The following CUL7 variants were observed in gnomAD, a reference collection of about 807,000 sequenced individuals.
CUL7 encodes the protein cullin-7.
In CUL7, 96 loss-of-function variants were observed where a neutral mutation model predicts 177.7. The ratio of observed to expected loss-of-function variants is 0.54; its 90% CI spans 0.46 to 0.64. The LOEUF is 0.64. Ranked by LOEUF, CUL7 falls within the 30% of genes least tolerant of loss-of-function variation. The pLI is 0.00. For missense variants in CUL7, 1,893 were observed against 2,187.9 expected (o/e 0.87, Z 2.69); for synonymous variants, 824 against 890.2 (o/e 0.93, Z 1.32).
Position 43,045,354 on chromosome 6 carries a change from G to A in CUL7, c.2911C>T (p.Pro971Ser). The change falls in exon 15 of 26, where the codon CCC (proline) becomes TCC (serine). Residue 971 changes from proline to serine, a missense_variant. By Grantham distance (74) the Pro-to-Ser change is moderately conservative (BLOSUM62 -1). Around this residue, in one of 5 missense-constraint regions of CUL7, gnomAD observed 973 missense variants for 1,140.9 expected, o/e 0.85. Transcript: ENST00000265348. The surrounding 1 kb of genome is among the most constrained non-coding windows in gnomAD (Gnocchi z 4.8). ...TCCCGGAACACTGGCCAGAACGTGGGCTTGGGGCCTAGGATCTCTAACCCC... is the reference window on the plus strand; with the variant it reads ...TCCCGGAACACTGGCCAGAACGTGGACTTGGGGCCTAGGATCTCTAACCCC... ...IRGLEILGPK[P>S]TFWPVFREQL... 1 of 1,614,246 alleles carries A rather than the reference G, an allele frequency of 6.2e-7. No homozygotes were observed. Among genetic ancestry groups the A allele is most frequent in the South Asian group, 1.1e-5 (1 of 91,086 alleles).
chr6:43,046,126 T>C (rs769935005), intron 12 of CUL7, 35 bp from the exon 13 acceptor site: 41 of 1,612,304 alleles, frequency 2.5e-5, no homozygotes, highest in East Asian at 6.7e-5. Flanking sequence ...TTGGAACTTG[T>C]AGACAGGGCC....
rs767543006 is a variant in CUL7, at chr6:43,040,958, A to T, written c.3763T>A (p.Phe1255Ile). The T allele has an allele frequency of 6.2e-7, 1 of 1,613,462 alleles. No homozygotes were observed. The highest frequency in any genetic ancestry group is 8.5e-7 in the Non-Finnish European group (1 of 1,179,712). Residue 1255 changes from phenylalanine (F) to isoleucine (I), a missense_variant, in exon 20 of 26, where the codon TTC becomes ATC. Transcript: ENST00000265348. The surrounding 1 kb of genome is among the most constrained non-coding windows in gnomAD (Gnocchi z 4.2). ...LQQCLQAVLIFSGLEIATTFE... is the reference protein window; with the variant it reads ...LQQCLQAVLIISGLEIATTFE... ...GTGGTGGCTATCTCCAAGCCGGAGAAAATCAGGACAGCTTGCAGGCATTGC... is the reference window on the plus strand; with the variant it reads ...GTGGTGGCTATCTCCAAGCCGGAGATAATCAGGACAGCTTGCAGGCATTGC...
At chr6:43,047,927 C>T (rs922589003) in intron 9 of CUL7, 19 of 573,482 alleles carry the variant, frequency 3.3e-5, no homozygotes, top group Admixed American at 1.2e-4. Context: ...TGGGTGAGAG[C>T]AAGAATTCTC....
At chr6:43,042,761 G>A (rs1458195036) in intron 19 of CUL7, 41 bp downstream of exon 19, 2 of 1,396,976 alleles carry the variant, frequency 1.4e-6, no homozygotes, top group Admixed American at 3.4e-5. Context: ...GGGAGAGTTT[G>A]TCGGAAGAGA....
Position 43,038,354 on chromosome 6 carries a change from C to T in CUL7, c.4686G>A (p.Lys1562=), listed in dbSNP as rs1266609312. 1 of 1,614,228 alleles carries T rather than the reference C, an allele frequency of 6.2e-7. No individual in the cohort carries two copies. Among genetic ancestry groups the T allele is most frequent in the East Asian group, 2.2e-5 (1 of 44,890 alleles). ...TGAGGCAGTTCAGAAGATTCCGTCT[C>T]TTCTCCAAGTTCTGGCCGTCTTCAC... ...AEGEDGQNLE[K]RRNLLNCLIV... Residue 1562 remains lysine (K), a synonymous_variant, in exon 25 of 26, where the codon AAG becomes AAA. Coordinates refer to ENST00000265348, the MANE Select transcript of CUL7 (RefSeq NM_014780.5).
chr6:43,040,100 C>A lies in CUL7; in HGVS notation c.4294+56G>T, dbSNP rs775555763. On this transcript the variant is annotated intron_variant, in intron 22 of 25. Coordinates refer to ENST00000265348, the MANE Select transcript of CUL7 (RefSeq NM_014780.5). The surrounding 1 kb of genome is among the most constrained non-coding windows in gnomAD (Gnocchi z 4.2). ...CAGGGTCTGCCCCCAACCCCAGGTC[C>A]TTTCCTAGCAGCCCACCCTCTCCCC... is the stretch of plus-strand genomic sequence containing the variant. 10 of 1,610,476 alleles carry A rather than the reference C, an allele frequency of 6.2e-6. No homozygotes were observed. Among genetic ancestry groups the A allele is most frequent in the African/African-American group, 1.3e-5 (1 of 74,830 alleles).
rs1763892067 is a variant in CUL7, at chr6:43,046,248, C to T, written c.2648G>A (p.Gly883Asp). 2 of 1,614,218 alleles carry T rather than the reference C, an allele frequency of 1.2e-6. No individual in the cohort carries two copies. The highest frequency in any genetic ancestry group is 1.1e-5 in the South Asian group (1 of 91,086). Reference protein sequence around the residue: ...SHYITLHMRRGILIRQLTLLV... With the variant: ...SHYITLHMRRDILIRQLTLLV... ...GTGGGAGAGTTACCTGATGAGGATGCCCCGGCGCATGTGCAGGGTGATGTA... is the reference window on the plus strand; with the variant it reads ...GTGGGAGAGTTACCTGATGAGGATGTCCCGGCGCATGTGCAGGGTGATGTA... The change falls in exon 12 of 26, where the codon GGC (glycine) becomes GAC (aspartate). Residue 883 changes from glycine (G) to aspartate (D), a missense_variant. This residue lies in a region of CUL7 where 973 missense variants were observed against 1,140.9 expected (regional missense o/e 0.85). Transcript: ENST00000265348.
Position 43,053,580 on chromosome 6 carries a change from C to A in CUL7, c.-9+42G>T. ...GCGCGAGGCTCGATGGGCTAGTGGG[C>A]AGGGAAGGAGAAGCAAGGGGCCGCG... On this transcript the variant is annotated intron_variant, in intron 1 of 25. Transcript: ENST00000265348. The surrounding 1 kb of genome is among the most constrained non-coding windows in gnomAD (Gnocchi z 4.1). 4.7e-6 allele frequency: 6 copies of A among 1,273,418 alleles called. No homozygotes were observed. Among genetic ancestry groups the A allele is most frequent in the Non-Finnish European group, 6.1e-6 (6 of 986,558 alleles). 78.9% of individuals were successfully genotyped at this position (1,273,418 alleles called of 1,614,324 possible).
chr6:43,049,574 T>G lies in CUL7; in HGVS notation c.1658A>C (p.Asp553Ala), dbSNP rs1409603288. Residue 553 changes from aspartate to alanine, a missense_variant, in exon 7 of 26, where the codon GAC becomes GCC. By Grantham distance (126) the Asp-to-Ala change is moderately radical (BLOSUM62 -2). Coordinates refer to ENST00000265348, the MANE Select transcript of CUL7 (RefSeq NM_014780.5). ...GTTGATCAGGTCCCTGAGGGCACTG[T>G]CATTGAGTCGCTGTGGCAGAGTCAG... The part of the protein sequence containing the change: ...LLLTLPQRLN[D>A]SALRDLINCH... 3 of 1,614,082 alleles carry G rather than the reference T, an allele frequency of 1.9e-6. No homozygotes were observed. Among genetic ancestry groups the G allele is most frequent in the Non-Finnish European group, 2.5e-6 (3 of 1,180,038 alleles).
rs1179976144 is a variant in CUL7 at position 43,048,454 on chromosome 6, G to T, written c.1941C>A (p.Thr647=). 6.2e-7 allele frequency: 1 copy of T among 1,613,804 alleles called. No individual in the cohort carries two copies. Residue 647 remains threonine, a synonymous_variant, in exon 8 of 26, where the codon ACC becomes ACA. Coordinates refer to ENST00000265348, the MANE Select transcript of CUL7 (RefSeq NM_014780.5). ...DLEQALSSEG[T]QENKVKPLLL... ...GGAGTGGCTTGACCTTGTTCTCCTG[G>T]GTCCCCTCTGAGCTGAGGGCTTGCT...
At position 43,037,881 on chromosome 6, in the gene CUL7, C is replaced by T; in HGVS notation, c.4904G>A (p.Arg1635Lys). Residue 1635 changes from arginine (R) to lysine (K), a missense_variant, in exon 26 of 26, where the codon AGA (arginine) becomes AAA (lysine). By Grantham distance (26) the Arg-to-Lys change is conservative. Transcript: ENST00000265348. ...CACCTGGGGCCGGTCGTCATGGCGT[C>T]TCAGCGTGCCCTTGCCCAGGAGGTG... Reference protein sequence around the residue: ...ILHLLGKGTLRRHDDRPQVLS... With the variant: ...ILHLLGKGTLKRHDDRPQVLS... 1.9e-6 allele frequency: 3 copies of T among 1,613,730 alleles called. No homozygotes were observed. The highest frequency in any genetic ancestry group is 2.5e-6 in the Non-Finnish European group (3 of 1,179,724).
At position 43,040,660 on chromosome 6, in the gene CUL7, T is replaced by C. The variant is rs765531212; in HGVS notation, c.3893A>G (p.Asn1298Ser). Residue 1298 changes from asparagine (N) to serine (S), a missense_variant, in exon 21 of 26, where the codon AAC becomes AGC. Asn to Ser is a conservative substitution (Grantham distance 46). Coordinates refer to ENST00000265348, the MANE Select transcript of CUL7 (RefSeq NM_014780.5). This position sits in a 1 kb window ranked among gnomAD's most constrained non-coding sequence, Gnocchi z 4.2. Reference sequence around the variant, plus strand: ...CTGCAACATCTGCTGGGGGAGGCGGTTGGGGAAGCAGGGACCGATCTGCTC... The same window carrying C: ...CTGCAACATCTGCTGGGGGAGGCGGCTGGGGAAGCAGGGACCGATCTGCTC... ...VLEQIGPCFP[N>S]RLPQQMLQSL... The C allele has an allele frequency of 5.7e-5, 92 of 1,613,890 alleles. 2 individuals are homozygous for C. Among genetic ancestry groups the C allele is most frequent in the South Asian group, 4.4e-4 (40 of 91,066 alleles).
At chr6:43,047,424 C>G (rs185614817) in intron 9 of CUL7, among the ~76,000 whole-genome samples, 42 of 152,278 alleles carry the variant, frequency 2.8e-4, no homozygotes, top group Non-Finnish European at 5.7e-4. Flanking sequence ...TCCCAAAAAC[C>G]AGTTGTAGGG....
rs187782615 is a variant in CUL7 at position 43,040,019 on chromosome 6, C to A, written c.4294+137G>T. On this transcript the variant is annotated intron_variant, in intron 22 of 25. Coordinates refer to ENST00000265348, the MANE Select transcript of CUL7 (RefSeq NM_014780.5). The surrounding 1 kb of genome is among the most constrained non-coding windows in gnomAD (Gnocchi z 4.2). ...CCTCCCAAAGTGCTGGGATTACAGG[C>A]GTGAGCACTGTGCCCAGCCAAAGAC... 4.0e-4 allele frequency: 421 copies of A among 1,064,580 alleles called. 2 individuals are homozygous for A. Among genetic ancestry groups the A allele is most frequent in the Non-Finnish European group, 4.5e-5 (31 of 690,964 alleles). 65.9% of individuals were successfully genotyped at this position (1,064,580 alleles called of 1,614,324 possible).
rs1390026713 is a variant in CUL7, at chr6:43,050,547, AATACACACACACACAC to A, written c.1234-165_1234-150del. 7 of 607,174 alleles carry A rather than the reference AATACACACACACACAC, an allele frequency of 1.2e-5. No individual in the cohort carries two copies. The highest frequency in any genetic ancestry group is 1.1e-4 in the African/African-American group (5 of 44,908). The allele number at this position is 607,174 out of a possible 1,614,324, so 37.6% of individuals were successfully genotyped here. A position where few individuals can be genotyped will look rare whatever the true frequency, so the allele number is the denominator to read the frequency against. On this transcript the variant is annotated intron_variant, in intron 4 of 25. Coordinates refer to ENST00000265348, the MANE Select transcript of CUL7 (RefSeq NM_014780.5). This position sits in a 1 kb window ranked among gnomAD's most constrained non-coding sequence, Gnocchi z 4.1. The stretch of plus-strand genomic sequence containing the variant: ...CATAACAAAACAGCAGCATATGGAG[AATACACACACACACAC>A]ACACACACACACACACACACACACA...
intron 19 of CUL7, among the ~76,000 whole-genome samples, chr6:43,042,412 G>A (rs898542496): frequency 6.6e-6 from 1 of 152,016 alleles, no homozygotes; most frequent in Non-Finnish European, 1.5e-5. Context: ...TCGGCTGACT[G>A]CAACTGCAAC....
chr6:43,039,051 G>GC, intron 22 of CUL7, 64 bp from the exon 23 acceptor site: 1 of 1,091,238 alleles, frequency 9.2e-7, no homozygotes, highest in Non-Finnish European at 1.4e-6. Context: ...GTTGGAGGGA[G>GC]GGTGCACGCT....
intron 19 of CUL7, among the ~76,000 whole-genome samples, chr6:43,041,430 A>T (rs933796664): frequency 6.6e-6 from 1 of 151,540 alleles, no homozygotes; most frequent in Non-Finnish European, 1.5e-5. Context: ...ACATGGCAAA[A>T]CCCCATCTCT....
Position 43,052,885 on chromosome 6 carries a change from G to GC in CUL7, c.-8-90dup. 2 of 1,378,698 alleles carry GC rather than the reference G, an allele frequency of 1.5e-6. No homozygotes were observed. Among genetic ancestry groups the GC allele is most frequent in the East Asian group, 5.0e-5 (2 of 40,248 alleles). The allele number at this position is 1,378,698 out of a possible 1,614,324, so 85.4% of individuals were successfully genotyped here. A position where few individuals can be genotyped will look rare whatever the true frequency, so the allele number is the denominator to read the frequency against. On this transcript the variant is annotated intron_variant, in intron 1 of 25. Transcript: ENST00000265348. The surrounding 1 kb of genome is among the most constrained non-coding windows in gnomAD (Gnocchi z 4.5). ...TATCCAGGAGGTGGGGAAGCAAATG[G>GC]CAACAGCTGTCAGGCGGGGTGGGGT...
Sources: gnomAD v4.1 joint callset for allele counts (sites outside exome capture counted in the v4.1 genomes callset) on GRCh38, gnomAD v4.1.1 for gene constraint, gnomAD v4.1.1 regional missense constraint, Gnocchi (gnomAD v3.1) non-coding constraint, MANE v1.5 for transcripts, NCBI Gene and HGNC (gene_info 2026-07-23, HGNC 2026-07-21) for gene names.